Variants in RTN2 observed in about 807,000 individuals in gnomAD.
RTN2 encodes reticulon-2.
Under a neutral mutation model 63.7 loss-of-function variants are expected in RTN2, and 36 were observed. That is an observed-to-expected ratio of 0.56 (90% CI 0.43 to 0.75). RTN2 has a LOEUF of 0.75. Ranked by LOEUF, RTN2 falls within the 30% of genes least tolerant of loss-of-function variation. The probability of loss-of-function intolerance (pLI) is 0.00; values close to 1 mark genes in which losing one functional copy is unlikely to be tolerated. For missense variants in RTN2, 673 were observed against 705.1 expected (o/e 0.95, Z 0.52); for synonymous variants, 312 against 313.0 (o/e 1.00, Z 0.03).
chr19:45,489,561 G>C lies in RTN2; in HGVS notation c.1034-8C>G, dbSNP rs774232588. 4 of 1,583,036 alleles carry C rather than the reference G, an allele frequency of 2.5e-6. No homozygotes were observed. In the South Asian group the frequency reaches 4.6e-5, roughly 18 times the overall value. Reference sequence around the variant, plus strand: ...AGTACAGCAGGTCCGCCACTGTGGAGGGGTGGGGGGCATCAGGGCTTGTAC... The same window carrying C: ...AGTACAGCAGGTCCGCCACTGTGGACGGGTGGGGGGCATCAGGGCTTGTAC... On this transcript the variant is annotated splice_region_variant and splice_polypyrimidine_tract_variant and intron_variant, in intron 5 of 10. Coordinates refer to ENST00000245923, the MANE Select transcript of RTN2 (RefSeq NM_005619.5).
At position 45,495,015 on chromosome 19, in the gene RTN2, G is replaced by A. The variant is rs759032682; in HGVS notation, c.80-10C>T. On this transcript the variant is annotated splice_polypyrimidine_tract_variant and intron_variant, in intron 2 of 10. Coordinates refer to ENST00000245923, the MANE Select transcript of RTN2 (RefSeq NM_005619.5). ...GAGTCGTCGTTCCCTCCTGCAGTGG[G>A]TGAAGGAGAGCCTTGTTTCCCTCAG... The A allele has an allele frequency of 5.6e-6, 9 of 1,613,870 alleles. No individual in the cohort carries two copies. The highest frequency in any genetic ancestry group is 7.6e-6 in the Non-Finnish European group (9 of 1,179,900).
chr19:45,493,266 G>A lies in RTN2; in HGVS notation c.927C>T (p.Gly309=), dbSNP rs771362424. 6.2e-7 allele frequency: 1 copy of A among 1,613,364 alleles called. No homozygotes were observed. The stretch of plus-strand genomic sequence containing the variant: ...GGAGGACAGGAGTAGGGGGGGTGGG[G>A]CCCCTTTGGACCCAGCCAATGGCTG... ...LWTAIGWVQR[G]PTPPTPVLRV... Residue 309 remains glycine, a synonymous_variant, in exon 5 of 11, where the codon GGC becomes GGT. Transcript: ENST00000245923.
rs1239284754 is a variant in RTN2 at position 45,494,694 on chromosome 19, G to A, written c.391C>T (p.Pro131Ser). 11 of 1,613,616 alleles carry A rather than the reference G, an allele frequency of 6.8e-6. No homozygotes were observed. The highest frequency in any genetic ancestry group is 8.5e-6 in the Non-Finnish European group (10 of 1,179,984). Residue 131 changes from proline to serine, a missense_variant, in exon 3 of 11, where the codon CCT becomes TCT. Coordinates refer to ENST00000245923, the MANE Select transcript of RTN2 (RefSeq NM_005619.5). This position sits in a 1 kb window ranked among gnomAD's most constrained non-coding sequence, Gnocchi z 5.3. ...PGRRGDPDTAPPSERPLEDLR... is the reference protein window; with the variant it reads ...PGRRGDPDTASPSERPLEDLR... ...TCTTCCAGAGGGCGCTCGGATGGAG[G>A]CGCGGTGTCAGGATCACCCCGTCGT...
chr19:45,495,471 C>T (rs1219563390), intron 1 of RTN2, among the ~76,000 whole-genome samples: 1 of 152,186 alleles, frequency 6.6e-6, no homozygotes, highest in Non-Finnish European at 1.5e-5. Context: ...AAAATCCCTG[C>T]CCTCCTAGAG....
rs531348059 is a variant in RTN2 at position 45,491,354 on chromosome 19, G to A, written c.1034-1801C>T. The stretch of plus-strand genomic sequence containing the variant: ...GGACTACAGGTGGCACCACGATATC[G>A]TGCTAATTTTTTTTTTTTTTTTTTT... On this transcript the variant is annotated intron_variant, in intron 5 of 10. Coordinates refer to ENST00000245923, the MANE Select transcript of RTN2 (RefSeq NM_005619.5). Among the ~76,000 whole-genome samples the A allele has an allele frequency of 2.1e-3, 292 of 138,168 alleles. 1 individual carries two copies. The highest frequency in any genetic ancestry group is 7.7e-3 in the African/African-American group (286 of 36,964). 90.6% of individuals were successfully genotyped at this position (138,168 alleles called of 152,430 possible). A position where few individuals can be genotyped will look rare whatever the true frequency, so the allele number is the denominator to read the frequency against.
rs1457969096 is a variant in RTN2, at chr19:45,493,160, C to T, written c.1033G>A (p.Val345Met). 12 of 1,611,690 alleles carry T rather than the reference C, an allele frequency of 7.4e-6. No individual in the cohort carries two copies. Among genetic ancestry groups the T allele is most frequent in the East Asian group, 2.2e-5 (1 of 44,868 alleles). ...LSLGADMGSK[V>M]ADLLYWKDTR... Reference sequence around the variant, plus strand: ...CGTCCAGCCCGTTCCGCAAGCCCACCTTTACTCCCCATATCGGCTCCGAGT... The same window carrying T: ...CGTCCAGCCCGTTCCGCAAGCCCACTTTTACTCCCCATATCGGCTCCGAGT... The change falls in exon 5 of 11, where the codon GTG (valine) becomes ATG (methionine). Residue 345 changes from valine (V) to methionine (M), a missense_variant and splice_region_variant. Transcript: ENST00000245923.
Position 45,493,423 on chromosome 19 carries a change from A to G in RTN2, c.815-45T>C, listed in dbSNP as rs1968204766. 4 of 1,380,238 alleles carry G rather than the reference A, an allele frequency of 2.9e-6. No homozygotes were observed. The Admixed American group carries it at 5.5e-5, about 19-fold the overall frequency. 85.5% of individuals were successfully genotyped at this position (1,380,238 alleles called of 1,614,324 possible). A position where few individuals can be genotyped will look rare whatever the true frequency, so the allele number is the denominator to read the frequency against. ...TAAAGTAAGGCTGGGTCATTTTACA[A>G]CTGGCCAATAGATGTGGTCAGGAAA... On this transcript the variant is annotated intron_variant, in intron 4 of 10. Coordinates refer to ENST00000245923, the MANE Select transcript of RTN2 (RefSeq NM_005619.5).
rs1271718411 is a variant in RTN2, at chr19:45,488,861, A to G, written c.1367T>C (p.Val456Ala). The G allele has an allele frequency of 1.2e-6, 2 of 1,602,388 alleles. No individual in the cohort carries two copies. Among genetic ancestry groups the G allele is most frequent in the Non-Finnish European group, 1.7e-6 (2 of 1,175,436 alleles). The change falls in exon 7 of 11, where the codon GTG (valine) becomes GCG (alanine). Residue 456 changes from valine (V) to alanine (A), a missense_variant. Transcript: ENST00000245923. ...LRHFFLVEDL[V>A]DSLKLALLFY... is the part of the protein sequence containing the mutation. ...GCTCCAGGCCACCTTGAGGGAATCC[A>G]CGAGGTCTTCTACCAGGAAGAAGTG...
rs1968007903 is a variant in RTN2 at position 45,485,789 on chromosome 19, C to T, written c.1557G>A (p.Lys519=). The T allele has an allele frequency of 6.2e-7, 1 of 1,613,540 alleles. No individual in the cohort carries two copies. The highest frequency in any genetic ancestry group is 1.7e-5 in the Admixed American group (1 of 60,004). The change falls in exon 11 of 11, where the codon AAG becomes AAA. Residue 519 remains lysine, a splice_region_variant and synonymous_variant. Transcript: ENST00000245923. Reference sequence around the variant, plus strand: ...CGGTCCCTGGGATTTTAGCTCGGATCCTGAAGGAGAAACAGGTGGGATCAC... The same window carrying T: ...CGGTCCCTGGGATTTTAGCTCGGATTCTGAAGGAGAAACAGGTGGGATCAC... ...VTNQLSHIKA[K]IRAKIPGTGA...
rs1968284170 is a variant in RTN2, at chr19:45,496,868, T to G, written c.-43A>C. On this transcript the variant is annotated 5_prime_UTR_variant, in exon 1 of 11. Coordinates refer to ENST00000245923, the MANE Select transcript of RTN2 (RefSeq NM_005619.5). ...CATCGGGACCCCCGCCCACTCCGGC[T>G]GTGCCGCCCTGGGCCCGGGGTCGCG... The G allele has an allele frequency of 7.4e-7, 1 of 1,348,758 alleles. No individual in the cohort carries two copies. Among genetic ancestry groups the G allele is most frequent in the African/African-American group, 1.5e-5 (1 of 66,840 alleles). The allele number at this position is 1,348,758 out of a possible 1,614,324, so 83.5% of individuals were successfully genotyped here.
intron 5 of RTN2, among the ~76,000 whole-genome samples, chr19:45,489,987 C>T (rs561005563): frequency 1.3e-5 from 2 of 151,824 alleles, no homozygotes; most frequent in South Asian, 2.1e-4. Flanking sequence ...GCACACAGCC[C>T]GATTTGCAAT....
chr19:45,492,299 A>G (rs1300860852), intron 5 of RTN2, among the ~76,000 whole-genome samples: 1 of 152,082 alleles, frequency 6.6e-6, no homozygotes, highest in Non-Finnish European at 1.5e-5. Context: ...CACTCCTGTA[A>G]TCACAACACT....
Position 45,497,021 on chromosome 19 carries a change from G to A in RTN2, c.-196C>T, listed in dbSNP as rs1968288510. On this transcript the variant is annotated 5_prime_UTR_variant, in exon 1 of 11. Coordinates refer to ENST00000245923, the MANE Select transcript of RTN2 (RefSeq NM_005619.5). The stretch of plus-strand genomic sequence containing the variant: ...CTGGTGCTCGGCTCGGCGGGGGCGG[G>A]CGGGGCCGAGGTGGGGAAGGCACTG... The A allele has an allele frequency of 8.3e-6, 2 of 242,400 alleles. No homozygotes were observed. Among genetic ancestry groups the A allele is most frequent in the Non-Finnish European group, 1.5e-5 (2 of 131,510 alleles). The allele number at this position is 242,400 out of a possible 1,614,324, so 15.0% of individuals were successfully genotyped here. A position where few individuals can be genotyped will look rare whatever the true frequency, so the allele number is the denominator to read the frequency against.
intron 1 of RTN2, 154 bp downstream of exon 1, chr19:45,496,638 C>T (rs1278954341): frequency 2.2e-6 from 1 of 453,870 alleles, no homozygotes; most frequent in Non-Finnish European, 3.8e-6. Context: ...ACCCCCGTCG[C>T]CGCCAGAGCG....
intron 1 of RTN2, among the ~76,000 whole-genome samples, chr19:45,495,477 T>C (rs879406620): frequency 2.0e-5 from 3 of 152,166 alleles, no homozygotes; most frequent in Non-Finnish European, 4.4e-5. Context: ...CCTGCCCTCC[T>C]AGAGCTGACA....
Position 45,489,442 on chromosome 19 carries a change from T to A in RTN2, c.1145A>T (p.His382Leu). The change falls in exon 6 of 11, where the codon CAC becomes CTC. Residue 382 changes from histidine to leucine, a missense_variant. Coordinates refer to ENST00000245923, the MANE Select transcript of RTN2 (RefSeq NM_005619.5). ...GCCGCAGAGCAGCAACAGAGCCAAG[T>A]GCGCGGCCACGGACACGATGCTAAA... ...LHFSIVSVAA[H>L]LALLLLCGTI... 6.2e-7 allele frequency: 1 copy of A among 1,611,606 alleles called. No individual in the cohort carries two copies. Among genetic ancestry groups the A allele is most frequent in the Non-Finnish European group, 8.5e-7 (1 of 1,179,030 alleles).
chr19:45,489,067 G>C (rs1306369864), intron 6 of RTN2, 81 bp from the exon 7 acceptor site: 1 of 1,492,544 alleles, frequency 6.7e-7, no homozygotes, highest in Non-Finnish European at 9.1e-7. Context: ...CAAGGGAGAG[G>C]AATGGCGGTT....
Position 45,494,901 on chromosome 19 carries a change from G to C in RTN2, c.184C>G (p.Leu62Val), listed in dbSNP as rs372925067. 4 of 1,612,178 alleles carry C rather than the reference G, an allele frequency of 2.5e-6. No individual in the cohort carries two copies. Among genetic ancestry groups the C allele is most frequent in the African/African-American group, 1.3e-5 (1 of 74,934 alleles). The change falls in exon 3 of 11, where the codon CTG becomes GTG. Residue 62 changes from leucine (L) to valine (V), a missense_variant. Physicochemically the swap from Leu to Val is conservative, Grantham distance 32. Transcript: ENST00000245923. This position sits in a 1 kb window ranked among gnomAD's most constrained non-coding sequence, Gnocchi z 5.3. ...TSQDWGTPRE[L>V]TFSYIAFDGV... ...TCAAAGGCGATGTAGGAGAAGGTCA[G>C]CTCCCGGGGGGTGCCCCAGTCCTGC...
chr19:45,495,360 G>A (rs1210767145), intron 1 of RTN2: 17 of 602,036 alleles, frequency 2.8e-5, no homozygotes, highest in African/African-American at 5.6e-5. Flanking sequence ...AATCTTAGGA[G>A]GTTTCAATTC....
Sources: gnomAD v4.1 joint callset for allele counts (sites outside exome capture counted in the v4.1 genomes callset) on GRCh38, gnomAD v4.1.1 for gene constraint, Gnocchi (gnomAD v3.1) non-coding constraint, MANE v1.5 for transcripts, NCBI Gene and HGNC (gene_info 2026-07-23, HGNC 2026-07-21) for gene names.